DDX21: variants seen among roughly 807,000 people sequenced by gnomAD.
DDX21 encodes DExD-box helicase 21, also known as nucleolar RNA helicase 2.
Under a neutral mutation model 90.0 loss-of-function variants are expected in DDX21, and 18 were observed. The ratio of observed to expected loss-of-function variants is 0.20; its 90% confidence interval spans 0.14 to 0.30. DDX21 has a LOEUF of 0.30. DDX21 is among the 10% of genes least tolerant of loss of function. The probability of loss-of-function intolerance (pLI) is 1.00; values close to 1 mark genes in which losing one functional copy is unlikely to be tolerated. For missense variants in DDX21, 673 were observed against 944.5 expected, an observed-to-expected ratio of 0.71 and a Z score of 3.77; for synonymous variants, 294 against 318.0, an observed-to-expected ratio of 0.92 and a Z score of 0.80.
intron 5 of DDX21, 53 bp downstream of exon 5, chr10:68,965,547 T>C: frequency 7.7e-7 from 1 of 1,303,092 alleles, no homozygotes; most frequent in East Asian, 2.3e-5. Flanking sequence ...TGTTGACTGC[T>C]CTGATTGGAT....
chr10:68,959,978 A>G lies in DDX21; in HGVS notation c.260A>G (p.Asp87Gly). ...AAGAAAGAGGAGCCATCTCAAAATG[A>G]CATTTCTCCTAAAACCAAAAGTTTG... ...AKKKEEPSQN[D>G]ISPKTKSLRK... The change falls in exon 2 of 15, where the codon GAC becomes GGC. Residue 87 changes from aspartate (D) to glycine (G), a missense_variant. Physicochemically the swap from Asp to Gly is moderately conservative, Grantham distance 94. This residue lies in a region of DDX21 where 204 missense variants were observed against 221.6 expected (regional missense o/e 0.92). Coordinates refer to ENST00000354185, the MANE Select transcript of DDX21 (RefSeq NM_004728.4). 6.2e-7 allele frequency: 1 copy of G among 1,610,136 alleles called. No homozygotes were observed. The highest frequency in any genetic ancestry group is 8.5e-7 in the Non-Finnish European group (1 of 1,179,408).
intron 10 of DDX21, among the ~76,000 whole-genome samples, chr10:68,974,363 A>G (rs1843066164): frequency 6.6e-6 from 1 of 152,208 alleles, no homozygotes; most frequent in South Asian, 2.1e-4. Flanking sequence ...AAAACTGTCA[A>G]AGTCATGAAA....
rs1213636730 is a variant in DDX21, at chr10:68,980,797, C to A, written c.2038-740C>A. On this transcript the variant is annotated intron_variant, in intron 13 of 14. Coordinates refer to ENST00000354185, the MANE Select transcript of DDX21 (RefSeq NM_004728.4). ...TGAGCTGGGAAGATAATTCTTGAGACCAGCCTGGGTAATGTAGTGAGACCC... is the reference window on the plus strand; with the variant it reads ...TGAGCTGGGAAGATAATTCTTGAGAACAGCCTGGGTAATGTAGTGAGACCC... Among the ~76,000 whole-genome samples, 3 of 144,484 alleles carry A rather than the reference C, an allele frequency of 2.1e-5. No individual in the cohort carries two copies. The East Asian group carries it at 6.1e-4, about 29-fold the overall frequency. The allele number at this position is 144,484 out of a possible 152,430, so 94.8% of individuals were successfully genotyped here.
intron 13 of DDX21, among the ~76,000 whole-genome samples, chr10:68,980,494 C>T (rs1218248321): frequency 1.3e-5 from 2 of 152,058 alleles, no homozygotes; most frequent in African/African-American, 4.8e-5. Flanking sequence ...TACTCTACTT[C>T]GTAAATATGT....
chr10:68,981,913 G>A (rs1261308090), intron 14 of DDX21, among the ~76,000 whole-genome samples: 4 of 151,756 alleles, frequency 2.6e-5, no homozygotes, highest in African/African-American at 9.7e-5. Flanking sequence ...TCGCTCTGTC[G>A]CCCAGGCTGG....
rs1382002863 is a variant in DDX21 at position 68,984,414 on chromosome 10, A to G, written c.*1602A>G. On this transcript the variant is annotated 3_prime_UTR_variant, in exon 15 of 15. Transcript: ENST00000354185. ...AGTTCTGTCCTTGAATCCCGACTAG[A>G]TATTTCTTGCCCTCTGGTCTCAGAA... 1 of 152,174 alleles carries G rather than the reference A, an allele frequency of 6.6e-6. No homozygotes were observed. The highest frequency in any genetic ancestry group is 1.5e-5 in the Non-Finnish European group (1 of 68,020). 9.4% of individuals were successfully genotyped at this position (152,174 alleles called of 1,614,324 possible). A position where few individuals can be genotyped will look rare whatever the true frequency, so the allele number is the denominator to read the frequency against.
intron 3 of DDX21, 32 bp from the exon 4 acceptor site, chr10:68,963,259 A>G (rs1842896219): frequency 6.4e-7 from 1 of 1,572,262 alleles, no homozygotes; most frequent in African/African-American, 1.4e-5. Flanking sequence ...TAAGAATTGC[A>G]GTGTGAGATA....
Position 68,982,661 on chromosome 10 carries a change from T to C in DDX21, c.2201T>C (p.Phe734Ser). The C allele has an allele frequency of 6.2e-7, 1 of 1,613,768 alleles. No homozygotes were observed. Among genetic ancestry groups the C allele is most frequent in the Non-Finnish European group, 8.5e-7 (1 of 1,179,944 alleles). Residue 734 changes from phenylalanine to serine, a missense_variant, in exon 15 of 15, where the codon TTC (phenylalanine) becomes TCC (serine). By Grantham distance (155) the Phe-to-Ser change is radical. Transcript: ENST00000354185. ...GGACAGCGGGAAGGCAGTCGAGGCT[T>C]CAGGGGACAGCGGGACGGAAACAGA... The part of the protein sequence containing the change: ...FRGQREGSRG[F>S]RGQRDGNRRF...
chr10:68,978,862 G>T lies in DDX21; in HGVS notation c.1923G>T (p.Leu641Phe). ...NSNVGFVTMI[L>F]QCSIEMPNIS... ...GTAAGGGTTTTGTGACCATGATCTT[G>T]CAGTGCTCAATTGAAATGCCAAATA... Residue 641 changes from leucine to phenylalanine, a missense_variant, in exon 13 of 15, where the codon TTG becomes TTT. Transcript: ENST00000354185. 1 of 1,613,850 alleles carries T rather than the reference G, an allele frequency of 6.2e-7. No homozygotes were observed. The highest frequency in any genetic ancestry group is 1.3e-5 in the African/African-American group (1 of 75,020).
intron 7 of DDX21, among the ~76,000 whole-genome samples, chr10:68,969,946 TAAAG>T (rs1363544333): frequency 3.9e-5 from 6 of 152,148 alleles, no homozygotes; most frequent in Admixed American, 2.0e-4. Flanking sequence ...TGTCAGAAAA[TAAAG>T]AAGTTAGATG....
chr10:68,978,799 A>G (rs762742118), intron 12 of DDX21, 43 bp from the exon 13 acceptor site: 4 of 1,579,898 alleles, frequency 2.5e-6, no homozygotes, highest in Non-Finnish European at 3.4e-6. Context: ...AATTAGGTTT[A>G]TTTTCAGCAC....
rs966159412 is a variant in DDX21 at position 68,958,614 on chromosome 10, C to T, written c.88-1192C>T. ...ACCATGCCTGGCTAATTTTTTTGTA[C>T]TTTTAGTAGAGATGAGATTTCACTG... is the stretch of plus-strand genomic sequence containing the variant. On this transcript the variant is annotated intron_variant, in intron 1 of 14. Transcript: ENST00000354185. Among the ~76,000 whole-genome samples, 6 of 151,910 alleles carry T rather than the reference C, an allele frequency of 3.9e-5. No homozygotes were observed. The South Asian group carries it at 6.2e-4, about 16-fold the overall frequency.
chr10:68,968,293 A>G (rs1463113555), intron 6 of DDX21, among the ~76,000 whole-genome samples: 1 of 152,116 alleles, frequency 6.6e-6, no homozygotes, highest in African/African-American at 2.4e-5. Flanking sequence ...GCTTAGGGCT[A>G]CAGGCGTGCG....
chr10:68,970,955 A>ATTTTTTT lies in DDX21; in HGVS notation c.1386+627_1386+633dup, dbSNP rs56314802. 4.4e-3 allele frequency among the ~76,000 whole-genome samples: 318 copies of ATTTTTTT among 72,554 alleles called. 24 individuals are homozygous for ATTTTTTT. The highest frequency in any genetic ancestry group is 6.6e-3 in the Non-Finnish European group (261 of 39,372). The allele number at this position is 72,554 out of a possible 152,430, so 47.6% of individuals were successfully genotyped here. Reference sequence around the variant, plus strand: ...GGCATGAGCCACTGCGCCCAGCCTAATTTTTTTTTTTTTTTTTTTTTTTTT... The same window carrying ATTTTTTT: ...GGCATGAGCCACTGCGCCCAGCCTAATTTTTTTTTTTTTTTTTTTTTTTTTTTTTTTT... On this transcript the variant is annotated intron_variant, in intron 8 of 14. Transcript: ENST00000354185.
rs146437560 is a variant in DDX21 at position 68,983,632 on chromosome 10, T to C, written c.*820T>C. ...ACTCCACTTCTTCCTATTGGAAGAT[T>C]AACATTATTTACCAAGAAGGACTTA... On this transcript the variant is annotated 3_prime_UTR_variant, in exon 15 of 15. Coordinates refer to ENST00000354185, the MANE Select transcript of DDX21 (RefSeq NM_004728.4). 322 of 147,220 alleles carry C rather than the reference T, an allele frequency of 2.2e-3. 1 individual carries two copies. The highest frequency in any genetic ancestry group is 7.7e-3 in the African/African-American group (308 of 40,074). 9.1% of individuals were successfully genotyped at this position (147,220 alleles called of 1,614,324 possible).
At position 68,971,873 on chromosome 10, in the gene DDX21, C is replaced by A. The variant is rs1350517483; in HGVS notation, c.1387-18C>A. The A allele has an allele frequency of 1.9e-6, 3 of 1,610,192 alleles. No individual in the cohort carries two copies. The highest frequency in any genetic ancestry group is 2.5e-6 in the Non-Finnish European group (3 of 1,177,070). On this transcript the variant is annotated intron_variant, in intron 8 of 14. Coordinates refer to ENST00000354185, the MANE Select transcript of DDX21 (RefSeq NM_004728.4). ...ATTGTTGGAACTGGTGTTCTTACAT[C>A]CGTTTATTTATTGGCAGGATGCTCA... is the stretch of plus-strand genomic sequence containing the variant.
Position 68,982,926 on chromosome 10 carries a change from C to G in DDX21, c.*114C>G. 1 of 1,316,982 alleles carries G rather than the reference C, an allele frequency of 7.6e-7. No homozygotes were observed. The highest frequency in any genetic ancestry group is 1.0e-6 in the Non-Finnish European group (1 of 965,404). The allele number at this position is 1,316,982 out of a possible 1,614,324, so 81.6% of individuals were successfully genotyped here. On this transcript the variant is annotated 3_prime_UTR_variant, in exon 15 of 15. Coordinates refer to ENST00000354185, the MANE Select transcript of DDX21 (RefSeq NM_004728.4). ...ATTGTGCCTCCTTTTGACCACTTGC[C>G]AAGTCCCTGTCTCTTTCAGACACAG...
intron 5 of DDX21, 131 bp from the exon 6 acceptor site, chr10:68,966,883 ATTAC>A (rs1842946476): frequency 2.9e-5 from 17 of 586,220 alleles, no homozygotes; most frequent in Non-Finnish European, 4.6e-5. Context: ...CTTTATCATT[ATTAC>A]TTAGCATATT....
intron 8 of DDX21, among the ~76,000 whole-genome samples, chr10:68,970,959 T>TG (rs1843017964): frequency 9.6e-6 from 1 of 103,964 alleles, no homozygotes; most frequent in Non-Finnish European, 1.8e-5. Context: ...AGCCTAATTT[T>TG]TTTTTTTTTT....
Sources: gnomAD v4.1 joint callset for allele counts (sites outside exome capture counted in the v4.1 genomes callset) on GRCh38, gnomAD v4.1.1 for gene constraint, gnomAD v4.1.1 regional missense constraint, MANE v1.5 for transcripts, NCBI Gene and HGNC (gene_info 2026-07-23, HGNC 2026-07-21) for gene names.